The following CXCL13 variants were observed in gnomAD, a reference collection of about 807,000 sequenced individuals.
The protein encoded by CXCL13 is C-X-C motif chemokine ligand 13.
Under a neutral mutation model 12.2 loss-of-function variants are expected in CXCL13, and 7 were observed. The ratio of observed to expected loss-of-function variants is 0.57; its 90% CI spans 0.33 to 1.07. The LOEUF is 1.07. Among genes scored for constraint, CXCL13 ranks in the 50% least tolerant of loss-of-function variants. The pLI, the probability that CXCL13 is intolerant of heterozygous loss-of-function variation, is 0.04. For missense variants in CXCL13, 113 were observed against 127.4 expected, an observed-to-expected ratio of 0.89 and a Z score of 0.55; for synonymous variants, 47 against 42.4, an observed-to-expected ratio of 1.11 and a Z score of -0.42.
At chr4:77,523,400 G>T (rs190176114) in intron 1 of CXCL13, among the ~76,000 whole-genome samples, 24 of 152,214 alleles carry the variant, frequency 1.6e-4, no homozygotes, top group Non-Finnish European at 3.1e-4. Flanking sequence ...TGGAGGCTTC[G>T]TTCATTTCTT....
upstream of CXCL13, among the ~76,000 whole-genome samples, chr4:77,604,462 G>C (rs1339266151): frequency 2.0e-5 from 3 of 151,994 alleles, no homozygotes; most frequent in Non-Finnish European, 4.4e-5. Flanking sequence ...TATTTGGATT[G>C]CCATCATATA....
intron 1 of CXCL13, among the ~76,000 whole-genome samples, chr4:77,587,334 C>T (rs1293869651): frequency 1.3e-5 from 2 of 152,118 alleles, no homozygotes; most frequent in African/African-American, 4.8e-5. Flanking sequence ...GGGGATATGA[C>T]GAACTTTCAC....
intron 1 of CXCL13, among the ~76,000 whole-genome samples, chr4:77,560,512 T>C (rs1725780382): frequency 1.3e-5 from 2 of 152,226 alleles, no homozygotes; most frequent in South Asian, 4.1e-4. Context: ...CTGATCTTTT[T>C]TCTATACATT....
At chr4:77,578,031 A>G (rs1239838808) in intron 1 of CXCL13, among the ~76,000 whole-genome samples, 2 of 152,172 alleles carry the variant, frequency 1.3e-5, no homozygotes, top group African/African-American at 4.8e-5. Context: ...CCAAACCTTA[A>G]ACTGGTTGGC....
At chr4:77,572,246 T>C (rs1726103925) in intron 1 of CXCL13, among the ~76,000 whole-genome samples, 1 of 151,528 alleles carries the variant, frequency 6.6e-6, no homozygotes, top group Admixed American at 6.6e-5. Flanking sequence ...CCTAAAAATG[T>C]AAAAATTAGC....
At chr4:77,530,152 T>C (rs1002823966) in intron 1 of CXCL13, among the ~76,000 whole-genome samples, 2 of 152,228 alleles carry the variant, frequency 1.3e-5, no homozygotes, top group Non-Finnish European at 2.9e-5. Context: ...GATAAGCTTC[T>C]TGATGTGCTT....
At chr4:77,555,625 A>G (rs1725640276) in intron 1 of CXCL13, among the ~76,000 whole-genome samples, 1 of 152,136 alleles carries the variant, frequency 6.6e-6, no homozygotes, top group South Asian at 2.1e-4. Context: ...GATTTCTTAG[A>G]TATCACATAA....
intron 1 of CXCL13, among the ~76,000 whole-genome samples, chr4:77,576,946 T>C (rs1276826702): frequency 6.6e-6 from 1 of 152,188 alleles, no homozygotes; most frequent in Non-Finnish European, 1.5e-5. Context: ...CCAGACTCAT[T>C]AGTTGTTTTA....
intron 1 of CXCL13, among the ~76,000 whole-genome samples, chr4:77,524,398 T>G (rs1441684719): frequency 2.0e-5 from 3 of 152,236 alleles, no homozygotes; most frequent in Non-Finnish European, 4.4e-5. Flanking sequence ...CAGGTCGAGC[T>G]TCCCAGCCAC....
chr4:77,528,085 C>T (rs1328191540), intron 1 of CXCL13, among the ~76,000 whole-genome samples: 1 of 152,166 alleles, frequency 6.6e-6, no homozygotes, highest in African/African-American at 2.4e-5. Context: ...CAGCTTCATC[C>T]ATGTCCCTAT....
chr4:77,572,748 G>T (rs966094410), intron 1 of CXCL13, among the ~76,000 whole-genome samples: 1 of 151,978 alleles, frequency 6.6e-6, no homozygotes, highest in East Asian at 1.9e-4. Flanking sequence ...ATACCAAAGG[G>T]AATATAAATT....
intron 1 of CXCL13, among the ~76,000 whole-genome samples, chr4:77,574,641 GGCTGATTATAGAATGA>G (rs1273811213): frequency 6.6e-6 from 1 of 151,892 alleles, no homozygotes; most frequent in African/African-American, 2.4e-5. Context: ...AATGGAGATG[GGCTGATTATAGAATGA>G]GCTGATTGGC....
At chr4:77,549,096 T>C (rs1048639964) in intron 1 of CXCL13, among the ~76,000 whole-genome samples, 5 of 152,238 alleles carry the variant, frequency 3.3e-5, no homozygotes, top group Non-Finnish European at 5.9e-5. Context: ...TGATCTTCAA[T>C]CACTGATATC....
chr4:77,560,060 CT>C (rs11309077), intron 1 of CXCL13, among the ~76,000 whole-genome samples: 46,399 of 151,210 alleles, frequency 0.31, 9,324 homozygotes, highest in African/African-American at 0.57. Flanking sequence ...CTTTCTTTTT[CT>C]TTTTTTTGTT....
chr4:77,571,813 CT>C, intron 1 of CXCL13, among the ~76,000 whole-genome samples: 1 of 151,864 alleles, frequency 6.6e-6, no homozygotes, highest in South Asian at 2.1e-4. Context: ...ACTGCTTAGT[CT>C]TTGGGTCCAC....
chr4:77,545,168 A>C (rs998250730), intron 1 of CXCL13, among the ~76,000 whole-genome samples: 43 of 152,178 alleles, frequency 2.8e-4, no homozygotes, highest in African/African-American at 1.0e-3. Flanking sequence ...TATAGTTTGA[A>C]GTCAGGTAGG....
chr4:77,601,029 T>C (rs192044117), upstream of CXCL13, among the ~76,000 whole-genome samples: 22 of 152,272 alleles, frequency 1.4e-4, no homozygotes, highest in African/African-American at 5.1e-4. Context: ...GACAGACCTT[T>C]TCCTTCCCGC....
chr4:77,603,298 G>A (rs1348643945), upstream of CXCL13, among the ~76,000 whole-genome samples: 1 of 152,212 alleles, frequency 6.6e-6, no homozygotes, highest in Non-Finnish European at 1.5e-5. Context: ...AAACAGGAAT[G>A]TTATTGCCTA....
intron 1 of CXCL13, among the ~76,000 whole-genome samples, chr4:77,525,597 C>T (rs866308286): frequency 6.6e-6 from 1 of 151,944 alleles, no homozygotes; most frequent in African/African-American, 2.4e-5. Flanking sequence ...AGCTGTAGAA[C>T]ATATGACACA....
Sources: gnomAD v4.1 joint callset for allele counts (sites outside exome capture counted in the v4.1 genomes callset) on GRCh38, gnomAD v4.1.1 for gene constraint, MANE v1.5 for transcripts, NCBI Gene and HGNC (gene_info 2026-07-23, HGNC 2026-07-21) for gene names.